The following WDR41 variants were observed in gnomAD, a reference collection of about 807,000 sequenced individuals.
WDR41 encodes the protein WD repeat domain 41, also known as WD repeat-containing protein 41.
In WDR41, 63 loss-of-function variants were observed where a neutral mutation model predicts 69.3. That is an observed-to-expected ratio of 0.91 (90% confidence interval 0.74 to 1.12). WDR41 has a LOEUF of 1.12. Among genes scored for constraint, WDR41 ranks in the 50% most tolerant of loss-of-function variants. The pLI, the probability that WDR41 is intolerant of heterozygous loss-of-function variation, is 0.00. For missense variants in WDR41, 543 were observed against 534.5 expected (o/e 1.02, Z -0.16); for synonymous variants, 185 against 192.1 (o/e 0.96, Z 0.31).
intron 1 of WDR41, among the ~76,000 whole-genome samples, chr5:77,564,905 T>A (rs1743593229): frequency 6.6e-6 from 1 of 152,124 alleles, no homozygotes; most frequent in African/African-American, 2.4e-5. Flanking sequence ...TTGAGTATTT[T>A]CCCCTTTTAA....
At chr5:77,454,977 A>G (rs1407817542) in intron 5 of WDR41, among the ~76,000 whole-genome samples, 1 of 152,204 alleles carries the variant, frequency 6.6e-6, no homozygotes, top group Non-Finnish European at 1.5e-5. Context: ...AATCATGTAC[A>G]CATTTTTATA....
chr5:77,431,553 G>A lies in WDR41; in HGVS notation c.*1582C>T, dbSNP rs1048986021. On this transcript the variant is annotated 3_prime_UTR_variant, in exon 13 of 13. Coordinates refer to ENST00000296679, the MANE Select transcript of WDR41 (RefSeq NM_018268.4). ...TATCTCTGAGGTACGCCTGTATAATGACCAGAAGGAATTTGCTGTGGTACT... is the reference window on the plus strand; with the variant it reads ...TATCTCTGAGGTACGCCTGTATAATAACCAGAAGGAATTTGCTGTGGTACT... The A allele has an allele frequency of 6.6e-6, 1 of 152,126 alleles. No individual in the cohort carries two copies. The highest frequency in any genetic ancestry group is 1.5e-5 in the Non-Finnish European group (1 of 68,028). The allele number at this position is 152,126 out of a possible 1,614,324, so 9.4% of individuals were successfully genotyped here. A position where few individuals can be genotyped will look rare whatever the true frequency, so the allele number is the denominator to read the frequency against.
chr5:77,479,155 G>A (rs1296697814), intron 2 of WDR41, among the ~76,000 whole-genome samples: 1 of 151,562 alleles, frequency 6.6e-6, no homozygotes, highest in Non-Finnish European at 1.5e-5. Flanking sequence ...ACAAACCACT[G>A]CTCAATGAAA....
chr5:77,462,958 T>G, intron 4 of WDR41, 137 bp downstream of exon 4: 1 of 882,912 alleles, frequency 1.1e-6, no homozygotes, highest in Non-Finnish European at 1.6e-6. Flanking sequence ...AATGGTATCT[T>G]ATAAGTAACA....
intron 1 of WDR41, among the ~76,000 whole-genome samples, chr5:77,566,559 C>T (rs1028676767): frequency 6.6e-6 from 1 of 152,070 alleles, no homozygotes; most frequent in African/African-American, 2.4e-5. Flanking sequence ...GTTTCCTTTT[C>T]AATATTTCTG....
intron 1 of WDR41, among the ~76,000 whole-genome samples, chr5:77,566,246 C>G (rs1193763894): frequency 6.6e-6 from 1 of 152,102 alleles, no homozygotes; most frequent in Non-Finnish European, 1.5e-5. Context: ...GCTTATGAGG[C>G]CATCTAACTC....
chr5:77,606,047 A>G (rs1744411552), intron 1 of WDR41, among the ~76,000 whole-genome samples: 2 of 152,182 alleles, frequency 1.3e-5, no homozygotes, highest in African/African-American at 4.8e-5. Flanking sequence ...GCAGTTAGGG[A>G]AAGCTAGAAG....
chr5:77,498,877 A>T (rs536313422), intron 1 of WDR41, among the ~76,000 whole-genome samples: 1 of 152,102 alleles, frequency 6.6e-6, no homozygotes, highest in South Asian at 2.1e-4. Flanking sequence ...CTTTTTAAAG[A>T]TTTTATCTCA....
rs1299563681 is a variant in WDR41, at chr5:77,489,437, A to G, written c.167+20T>C. On this transcript the variant is annotated intron_variant, in intron 2 of 12. Transcript: ENST00000296679. ...ACCTCTTCCCAAACAATAGTCAATT[A>G]GACCACTATAGCTTCTTACCTGTAG... The G allele has an allele frequency of 1.2e-5, 18 of 1,457,176 alleles. No homozygotes were observed. Among genetic ancestry groups the G allele is most frequent in the East Asian group, 7.0e-5 (3 of 42,760 alleles). The allele number at this position is 1,457,176 out of a possible 1,614,324, so 90.3% of individuals were successfully genotyped here.
intron 1 of WDR41, among the ~76,000 whole-genome samples, chr5:77,514,343 C>G (rs1186985923): frequency 6.6e-6 from 1 of 152,290 alleles, no homozygotes; most frequent in African/African-American, 2.4e-5. Flanking sequence ...TAACTTCTTT[C>G]CATTCTTTAA....
At position 77,550,497 on chromosome 5, in the gene WDR41, G is replaced by A. The variant is rs528386496; in HGVS notation, c.43-60925C>T. Among the ~76,000 whole-genome samples the A allele has an allele frequency of 2.1e-3, 314 of 152,152 alleles. 2 individuals are homozygous for A. The highest frequency in any genetic ancestry group is 5.3e-3 in the African/African-American group (221 of 41,536). ...TGGCCAACAAACATAATGGGAAAATGCTCAACAGAGAAATGCAAATCAAAT... is the reference window on the plus strand; with the variant it reads ...TGGCCAACAAACATAATGGGAAAATACTCAACAGAGAAATGCAAATCAAAT... On this transcript the variant is annotated intron_variant, in intron 1 of 5. Coordinates refer to the WDR41 transcript ENST00000509971.
chr5:77,591,888 A>C (rs1744143641), intron 1 of WDR41, among the ~76,000 whole-genome samples: 1 of 152,178 alleles, frequency 6.6e-6, no homozygotes, highest in Non-Finnish European at 1.5e-5. Flanking sequence ...GATTGTAATT[A>C]TATCAATTGA....
At chr5:77,547,460 C>T (rs537843243) in intron 1 of WDR41, among the ~76,000 whole-genome samples, 1 of 151,668 alleles carries the variant, frequency 6.6e-6, no homozygotes, top group Middle Eastern at 3.2e-3. Flanking sequence ...ATCAGTAGCT[C>T]TTCTATACAC....
intron 2 of WDR41, among the ~76,000 whole-genome samples, chr5:77,483,350 G>T (rs558556855): frequency 6.6e-6 from 1 of 151,710 alleles, no homozygotes; most frequent in African/African-American, 2.4e-5. Context: ...TGTTGCCCAC[G>T]CTAGCCTCAA....
rs538010895 is a variant in WDR41 at position 77,603,206 on chromosome 5, G to A, written c.42+17273C>T. 1.8e-4 allele frequency among the ~76,000 whole-genome samples: 28 copies of A among 152,226 alleles called. No homozygotes were observed. In the East Asian group the frequency reaches 5.2e-3, roughly 28 times the overall value. On this transcript the variant is annotated intron_variant, in intron 1 of 5. Coordinates refer to the WDR41 transcript ENST00000509971. Reference sequence around the variant, plus strand: ...CTGCCTTGGCCTCCCAAAGTGCTGGGATTACAGGCATGAGCCACTGCGCCC... The same window carrying A: ...CTGCCTTGGCCTCCCAAAGTGCTGGAATTACAGGCATGAGCCACTGCGCCC...
intron 1 of WDR41, among the ~76,000 whole-genome samples, chr5:77,520,697 AG>A (rs767289964): frequency 1.3e-5 from 2 of 152,210 alleles, no homozygotes; most frequent in African/African-American, 2.4e-5. Context: ...ATAAAGCTGA[AG>A]GTCACTTTGC....
chr5:77,509,440 T>C (rs762050757), intron 1 of WDR41, among the ~76,000 whole-genome samples: 26 of 152,202 alleles, frequency 1.7e-4, no homozygotes, highest in Non-Finnish European at 3.4e-4. Context: ...GCAGCACTAT[T>C]CATCATACTC....
At chr5:77,599,629 A>G (rs985336796) in intron 1 of WDR41, among the ~76,000 whole-genome samples, 1 of 152,250 alleles carries the variant, frequency 6.6e-6, no homozygotes, top group Non-Finnish European at 1.5e-5. Context: ...ATTACAATAT[A>G]CAGGGTCCCA....
intron 1 of WDR41, among the ~76,000 whole-genome samples, chr5:77,520,633 C>T (rs1000806561): frequency 6.6e-6 from 1 of 152,106 alleles, no homozygotes; most frequent in African/African-American, 2.4e-5. Context: ...CTGCAAACTC[C>T]TCCTCAGCTG....
Sources: allele counts gnomAD v4.1 joint callset (sites outside exome capture counted in the v4.1 genomes callset), GRCh38; gene constraint gnomAD v4.1.1; transcripts MANE v1.5; gene names NCBI Gene and HGNC (gene_info 2026-07-23, HGNC 2026-07-21).